The following EYS variants were observed in gnomAD, a reference collection of about 807,000 sequenced individuals.
The protein encoded by EYS is EGF-like photoreceptor maintenance factor, also known as protein eyes shut homolog.
In EYS, 250 loss-of-function variants were observed where a neutral mutation model predicts 282.1. That is an observed-to-expected ratio of 0.89 (90% confidence interval 0.80 to 0.98). The LOEUF (loss-of-function observed/expected upper bound fraction) is 0.98. Among genes scored for constraint, EYS ranks in the 50% least tolerant of loss-of-function variants. The probability of loss-of-function intolerance (pLI) is 0.00; values close to 1 mark genes in which losing one functional copy is unlikely to be tolerated. For synonymous variants in EYS, 1,355 were observed against 1,282.9 expected, an observed-to-expected ratio of 1.06 and a Z score of -1.20; for missense variants, 4,016 against 3,709.0, an observed-to-expected ratio of 1.08 and a Z score of -2.15.
chr6:64,420,139 T>C (rs552519389), intron 28 of EYS, among the ~76,000 whole-genome samples: 1 of 152,236 alleles, frequency 6.6e-6, no homozygotes, highest in Non-Finnish European at 1.5e-5. Context: ...TCTCGACTTC[T>C]GTGTATCCAC....
intron 24 of EYS, among the ~76,000 whole-genome samples, chr6:64,613,285 T>C (rs1767168308): frequency 1.3e-5 from 2 of 152,186 alleles, no homozygotes; most frequent in East Asian, 3.9e-4. Flanking sequence ...GAAGCCTAAT[T>C]AGAACAACAA....
chr6:64,189,978 G>A (rs981034790), intron 31 of EYS, among the ~76,000 whole-genome samples: 1 of 152,086 alleles, frequency 6.6e-6, no homozygotes. Flanking sequence ...ATACAATTTT[G>A]TGTTCAATTA....
intron 14 of EYS, among the ~76,000 whole-genome samples, chr6:64,995,723 G>A (rs74704874): frequency 1.6e-4 from 18 of 112,920 alleles, no homozygotes; most frequent in African/African-American, 2.9e-4. Context: ...CTTCCCCCCC[G>A]CCCCATATTC....
chr6:64,377,429 T>C (rs1459319417), intron 29 of EYS, among the ~76,000 whole-genome samples: 1 of 152,122 alleles, frequency 6.6e-6, no homozygotes, highest in East Asian at 1.9e-4. Flanking sequence ...CAGTATAGCG[T>C]AGGTTTTAAA....
intron 36 of EYS, chr6:63,821,148 C>T (rs1233089438): frequency 6.7e-6 from 1 of 150,350 alleles, no homozygotes; most frequent in Non-Finnish European, 1.5e-5. Context: ...AAGTCTTGCA[C>T]CTTTCTCATC....
chr6:63,766,069 T>A (rs1021172330), intron 40 of EYS, among the ~76,000 whole-genome samples: 1 of 152,024 alleles, frequency 6.6e-6, no homozygotes, highest in Non-Finnish European at 1.5e-5. Flanking sequence ...CTTAGTGAGA[T>A]CTTAGCATAT....
chr6:65,461,616 C>G (rs1325802432), intron 5 of EYS, among the ~76,000 whole-genome samples: 1 of 151,924 alleles, frequency 6.6e-6, no homozygotes, highest in Non-Finnish European at 1.5e-5. Context: ...ATTGCCACTT[C>G]ATGATCATGT....
chr6:64,970,671 C>G (rs944313622), intron 14 of EYS, among the ~76,000 whole-genome samples: 1 of 152,168 alleles, frequency 6.6e-6, no homozygotes, highest in Non-Finnish European at 1.5e-5. Flanking sequence ...GATTTTTCTT[C>G]CTGTTTAGTA....
chr6:64,862,886 A>C (rs1766294960), intron 19 of EYS, among the ~76,000 whole-genome samples: 1 of 152,100 alleles, frequency 6.6e-6, no homozygotes, highest in Non-Finnish European at 1.5e-5. Flanking sequence ...CTTTTAAGAT[A>C]GTTTCCTTAT....
intron 1 of EYS, among the ~76,000 whole-genome samples, chr6:65,657,983 T>C (rs1767884875): frequency 6.6e-6 from 1 of 151,854 alleles, no homozygotes; most frequent in African/African-American, 2.4e-5. Context: ...GAGAGTCAGA[T>C]GATCACTGGA....
chr6:65,520,901 T>A lies in EYS; in HGVS notation c.-332-24908A>T, dbSNP rs146013613. ...TTTAGTGCTTGATTGCATATTTCTT[T>A]GCAATTGGAGAGGCAATTAAAAATT... is the stretch of plus-strand genomic sequence containing the variant. On this transcript the variant is annotated intron_variant, in intron 2 of 42. Transcript: ENST00000503581. Among the ~76,000 whole-genome samples, 806 of 152,142 alleles carry A rather than the reference T, an allele frequency of 5.3e-3. 23 individuals carry two copies. The highest frequency in any genetic ancestry group is 0.04 in the East Asian group (205 of 5,164).
chr6:64,111,431 T>A (rs1773200630), intron 31 of EYS, among the ~76,000 whole-genome samples: 1 of 152,080 alleles, frequency 6.6e-6, no homozygotes, highest in Non-Finnish European at 1.5e-5. Flanking sequence ...ATTGTCTCCA[T>A]GGCAGTGCGG....
intron 14 of EYS, among the ~76,000 whole-genome samples, chr6:64,989,746 A>G (rs1770998140): frequency 6.9e-6 from 1 of 145,686 alleles, no homozygotes; most frequent in South Asian, 2.1e-4. Context: ...ATAATTGTAT[A>G]CATTATATAT....
intron 11 of EYS, among the ~76,000 whole-genome samples, chr6:65,298,587 A>T (rs1768729046): frequency 6.6e-6 from 1 of 152,010 alleles, no homozygotes; most frequent in African/African-American, 2.4e-5. Context: ...AGTTGTGGTT[A>T]GAGCAACAAC....
intron 40 of EYS, among the ~76,000 whole-genome samples, chr6:63,763,512 C>A (rs952026696): frequency 2.0e-5 from 3 of 151,838 alleles, no homozygotes; most frequent in African/African-American, 7.3e-5. Context: ...TGGGAGGGAC[C>A]AGGTGGAGAA....
At chr6:65,239,019 G>A (rs1409447719) in intron 12 of EYS, among the ~76,000 whole-genome samples, 1 of 151,984 alleles carries the variant, frequency 6.6e-6, no homozygotes, top group Non-Finnish European at 1.5e-5. Context: ...TAAGAGCTGA[G>A]AATATCATAG....
intron 29 of EYS, among the ~76,000 whole-genome samples, chr6:64,337,641 C>A (rs1310913693): frequency 1.3e-5 from 2 of 151,970 alleles, no homozygotes; most frequent in African/African-American, 4.8e-5. Flanking sequence ...AAGCCAGCAT[C>A]ATCTTAATCC....
At chr6:64,107,527 G>C (rs372605233) in intron 31 of EYS, among the ~76,000 whole-genome samples, 33 of 151,628 alleles carry the variant, frequency 2.2e-4, no homozygotes, top group South Asian at 1.5e-3. Context: ...CCTTATATGT[G>C]CTGGCAGCTG....
intron 35 of EYS, among the ~76,000 whole-genome samples, chr6:63,911,197 T>G (rs1397277432): frequency 1.3e-5 from 2 of 151,766 alleles, no homozygotes; most frequent in African/African-American, 2.4e-5. Flanking sequence ...ACAAATCAGC[T>G]TTATCAGCTC....
Sources: allele counts gnomAD v4.1 joint callset (sites outside exome capture counted in the v4.1 genomes callset), GRCh38; gene constraint gnomAD v4.1.1; transcripts MANE v1.5; gene names NCBI Gene and HGNC (gene_info 2026-07-23, HGNC 2026-07-21).